Variants in IL1RAP observed in about 807,000 individuals in gnomAD.
IL1RAP encodes interleukin-1 receptor accessory protein.
Under a neutral mutation model 60.7 loss-of-function variants are expected in IL1RAP, and 35 were observed. The observed-to-expected ratio is 0.58, with a 90% CI of 0.44 to 0.76. IL1RAP has a LOEUF of 0.76. Ranked by LOEUF, IL1RAP falls within the 30% of genes least tolerant of loss-of-function variation. The pLI, the probability that IL1RAP is intolerant of heterozygous loss-of-function variation, is 0.00. For synonymous variants in IL1RAP, 268 were observed against 250.9 expected (o/e 1.07, Z -0.64); for missense variants, 572 against 693.9 (o/e 0.82, Z 1.97).
chr3:190,534,595 G>C (rs1039987311), intron 1 of IL1RAP, among the ~76,000 whole-genome samples: 5 of 152,146 alleles, frequency 3.3e-5, no homozygotes, highest in African/African-American at 1.2e-4. Context: ...TTGCTTCTGG[G>C]CCCGAGTAGC....
At chr3:190,625,549 A>G (rs921108165) in intron 7 of IL1RAP, among the ~76,000 whole-genome samples, 1 of 152,240 alleles carries the variant, frequency 6.6e-6, no homozygotes, top group East Asian at 1.9e-4. Flanking sequence ...AATTTTAAAT[A>G]TGACATTTTT....
intron 1 of IL1RAP, chr3:190,550,519 T>C (rs369849601): frequency 1.2e-4 from 18 of 152,354 alleles, no homozygotes; most frequent in African/African-American, 4.1e-4. Context: ...GGTATAGTTA[T>C]GCTTGCTAAG....
chr3:190,619,597 C>T (rs973490281), intron 5 of IL1RAP, among the ~76,000 whole-genome samples: 2 of 151,860 alleles, frequency 1.3e-5, no homozygotes, highest in Admixed American at 6.6e-5. Context: ...TGGTGGCGCG[C>T]ACCTGTACTC....
At chr3:190,529,431 T>C (rs1283038455) in intron 1 of IL1RAP, among the ~76,000 whole-genome samples, 3 of 152,014 alleles carry the variant, frequency 2.0e-5, no homozygotes, top group East Asian at 3.9e-4. Context: ...CTCATGCCTG[T>C]AATCCCAGCA....
At chr3:190,523,336 A>C (rs1722243366) in intron 1 of IL1RAP, among the ~76,000 whole-genome samples, 1 of 152,042 alleles carries the variant, frequency 6.6e-6, no homozygotes, top group South Asian at 2.1e-4. Context: ...GCTTACACAT[A>C]CTATTTTATT....
At chr3:190,655,253 C>G (rs1170982986), downstream of IL1RAP, among the ~76,000 whole-genome samples, 6 of 152,000 alleles carry the variant, frequency 3.9e-5, no homozygotes, top group African/African-American at 1.5e-4. Context: ...TCTTAGAAGA[C>G]ACATCTATAA....
chr3:190,644,140 G>C, intron 9 of IL1RAP, 108 bp from the exon 10 acceptor site: 1 of 1,468,038 alleles, frequency 6.8e-7, no homozygotes, highest in Non-Finnish European at 9.0e-7. Flanking sequence ...TTCATACATA[G>C]GCAGGTGCAT....
chr3:190,621,435 AAC>A lies in IL1RAP; in HGVS notation c.703+997_703+998del, dbSNP rs139041467. Among the ~76,000 whole-genome samples the A allele has an allele frequency of 7.9e-4, 120 of 152,354 alleles. No individual in the cohort carries two copies. In the East Asian group the frequency reaches 0.015, roughly 19 times the overall value. On this transcript the variant is annotated intron_variant, in intron 6 of 11. Transcript: ENST00000447382. ...GTTGGGGATTAATTCATAAGAAAAA[AAC>A]AGACTAAATTTTAAAAGTCAAATGA...
Position 190,604,192 on chromosome 3 carries a change from T to A in IL1RAP, c.129T>A (p.Ala43=). ...TCCAAGTGTTTGAAGATGAGCCAGC[T>A]CGCATCAAGTGCCCACTCTTTGAAC... ...RQIQVFEDEP[A]RIKCPLFEHF... The change falls in exon 4 of 12, where the codon GCT becomes GCA. Residue 43 remains alanine (A), a synonymous_variant. Coordinates refer to ENST00000447382, the MANE Select transcript of IL1RAP (RefSeq NM_002182.4). The A allele has an allele frequency of 6.2e-7, 1 of 1,614,064 alleles. No homozygotes were observed. Among genetic ancestry groups the A allele is most frequent in the Non-Finnish European group, 8.5e-7 (1 of 1,179,974 alleles).
intron 8 of IL1RAP, among the ~76,000 whole-genome samples, chr3:190,627,831 C>T (rs1187007486): frequency 2.0e-5 from 3 of 152,044 alleles, no homozygotes; most frequent in East Asian, 3.9e-4. Context: ...GTTGTGGGTA[C>T]GTGGAAACCT....
downstream of IL1RAP, among the ~76,000 whole-genome samples, chr3:190,653,011 T>C (rs1354640500): frequency 6.6e-6 from 1 of 152,226 alleles, no homozygotes; most frequent in Non-Finnish European, 1.5e-5. Context: ...TAGCAACTAG[T>C]CTATCTTATT....
intron 1 of IL1RAP, among the ~76,000 whole-genome samples, chr3:190,543,288 A>G (rs1249291281): frequency 6.6e-6 from 1 of 152,106 alleles, no homozygotes; most frequent in Non-Finnish European, 1.5e-5. Context: ...GAATTATAGT[A>G]TTTTCCTGGA....
intron 3 of IL1RAP, among the ~76,000 whole-genome samples, chr3:190,572,861 T>TTTTTTTTG (rs1727064475): frequency 2.8e-5 from 1 of 35,614 alleles, no homozygotes; most frequent in African/African-American, 1.5e-4. Context: ...AATGCTTTGT[T>TTTTTTTTG]TTTTTTTTTT....
chr3:190,615,166 A>C, intron 5 of IL1RAP: 1 of 326,024 alleles, frequency 3.1e-6, no homozygotes, highest in African/African-American at 2.1e-5. Flanking sequence ...ACTGATGTTC[A>C]GCAAATATTT....
chr3:190,585,147 A>C (rs753760874), intron 3 of IL1RAP, among the ~76,000 whole-genome samples: 29 of 152,206 alleles, frequency 1.9e-4, no homozygotes, highest in Non-Finnish European at 3.1e-4. Flanking sequence ...TACATCCTAC[A>C]AACTGTAACA....
At chr3:190,618,958 A>G (rs1731517274) in intron 5 of IL1RAP, among the ~76,000 whole-genome samples, 1 of 152,272 alleles carries the variant, frequency 6.6e-6, no homozygotes, top group African/African-American at 2.4e-5. Context: ...ATTTCAAAGT[A>G]CATGCTCCAG....
intron 1 of IL1RAP, among the ~76,000 whole-genome samples, chr3:190,553,456 G>A (rs1434933374): frequency 6.6e-6 from 1 of 152,100 alleles, no homozygotes; most frequent in Non-Finnish European, 1.5e-5. Context: ...TTTAATGCCT[G>A]GGAAGAACCT....
intron 1 of IL1RAP, among the ~76,000 whole-genome samples, chr3:190,535,774 C>T (rs1723407362): frequency 6.6e-6 from 1 of 152,136 alleles, no homozygotes; most frequent in Admixed American, 6.5e-5. Context: ...TCCAAAAACC[C>T]ACTGACGTTG....
chr3:190,657,881 A>AC (rs2108877387), exon 12 of IL1RAP: 1 of 152,160 alleles, frequency 6.6e-6, no homozygotes, highest in African/African-American at 2.4e-5. Flanking sequence ...ACATTGTGAA[A>AC]CCCCATCTCT....
Sources: allele counts gnomAD v4.1 joint callset (sites outside exome capture counted in the v4.1 genomes callset), GRCh38; gene constraint gnomAD v4.1.1; transcripts MANE v1.5; gene names NCBI Gene and HGNC (gene_info 2026-07-23, HGNC 2026-07-21).